The following ASRGL1 variants were observed in gnomAD, a reference collection of about 807,000 sequenced individuals.
ASRGL1 encodes the protein isoaspartyl peptidase/L-asparaginase.
In ASRGL1, 16 loss-of-function variants were observed where a neutral mutation model predicts 22.4. The ratio of observed to expected loss-of-function variants is 0.71; its 90% confidence interval spans 0.48 to 1.08. ASRGL1 has a LOEUF of 1.08. Ranked by LOEUF, ASRGL1 falls within the 50% of genes least tolerant of loss-of-function variation. The pLI, the probability that ASRGL1 is intolerant of heterozygous loss-of-function variation, is 0.00. For missense variants in ASRGL1, 412 were observed against 410.1 expected (o/e 1.00, Z -0.04); for synonymous variants, 165 against 159.3 (o/e 1.04, Z -0.27).
At chr11:62,343,302 TG>T (rs1365142543) in intron 2 of ASRGL1, among the ~76,000 whole-genome samples, 9 of 138,976 alleles carry the variant, frequency 6.5e-5, no homozygotes, top group African/African-American at 2.5e-4. Flanking sequence ...CTCTTGAACC[TG>T]GGAGGTAGAG....
chr11:62,362,714 T>TTATATAAAA lies in ASRGL1; in HGVS notation c.491+5575_491+5576insAAAATATAT, dbSNP rs1336218972. Among the ~76,000 whole-genome samples, 3 of 51,830 alleles carry TTATATAAAA rather than the reference T, an allele frequency of 5.8e-5. No individual in the cohort carries two copies. In the South Asian group the frequency reaches 1.5e-3, roughly 25 times the overall value. 34.0% of individuals were successfully genotyped at this position (51,830 alleles called of 152,430 possible). On this transcript the variant is annotated intron_variant, in intron 4 of 6. Coordinates refer to ENST00000415229, the MANE Select transcript of ASRGL1 (RefSeq NM_001083926.2). ...TATATTATATATTATATAAAATATA[T>TTATATAAAA]TATATGTTATATATAAAATATAATA...
At chr11:62,372,889 G>C (rs1946810578) in intron 4 of ASRGL1, 2 of 1,596,224 alleles carry the variant, frequency 1.3e-6, no homozygotes, top group Middle Eastern at 4.1e-4. Context: ...CAGGACCTCT[G>C]CAGCTGGAGA....
intron 4 of ASRGL1, among the ~76,000 whole-genome samples, chr11:62,362,809 G>C (rs1946508244): frequency 4.3e-4 from 3 of 6,960 alleles, no homozygotes; most frequent in Non-Finnish European, 7.0e-4. Context: ...TTGCTTATCT[G>C]ACATACACAC....
At chr11:62,388,135 C>A (rs1947256940) in intron 4 of ASRGL1, among the ~76,000 whole-genome samples, 1 of 152,102 alleles carries the variant, frequency 6.6e-6, no homozygotes, top group Admixed American at 6.5e-5. Flanking sequence ...AGTTGTCACA[C>A]AATGGTAAGT....
At chr11:62,376,431 A>G (rs892088075) in intron 4 of ASRGL1, among the ~76,000 whole-genome samples, 1 of 152,030 alleles carries the variant, frequency 6.6e-6, no homozygotes, top group African/African-American at 2.4e-5. Context: ...TCCTAGTGAA[A>G]CAAGCAAAAC....
the ASRGL1 span, among the ~76,000 whole-genome samples, chr11:62,400,721 C>T: frequency 3.3e-5 from 5 of 152,142 alleles, no homozygotes; most frequent in East Asian, 1.9e-4. Flanking sequence ...GTGCCTTACC[C>T]GCGTCACACA....
chr11:62,368,532 G>A (rs142742566), intron 4 of ASRGL1, among the ~76,000 whole-genome samples: 3,700 of 152,202 alleles, frequency 0.024, 169 homozygotes, highest in African/African-American at 0.084. Flanking sequence ...GGTGTTTCTC[G>A]TCAGGTGGGA....
chr11:62,356,204 A>G, intron 2 of ASRGL1, 121 bp from the exon 3 acceptor site: 2 of 1,195,930 alleles, frequency 1.7e-6, no homozygotes, highest in Non-Finnish European at 2.3e-6. Flanking sequence ...GCAGCCGGGC[A>G]GAGGCGCCCC....
In ASRGL1 at chr11:62,338,007, C is replaced by T. The variant is rs1453590652; in HGVS notation, c.30C>T (p.Gly10=). 2.5e-6 allele frequency: 4 copies of T among 1,604,272 alleles called. No homozygotes were observed. The stretch of plus-strand genomic sequence containing the variant: ...ATCCCATCGTAGTGGTCCACGGCGG[C>T]GGAGCCGGTCCCATCTCCAAGGATC... MNPIVVVHG[G]GAGPISKDRK... Residue 10 remains glycine (G), a synonymous_variant, in exon 2 of 7, where the codon GGC becomes GGT. Coordinates refer to ENST00000415229, the MANE Select transcript of ASRGL1 (RefSeq NM_001083926.2).
intron 2 of ASRGL1, among the ~76,000 whole-genome samples, chr11:62,343,446 T>C (rs1030889564): frequency 2.0e-5 from 3 of 148,990 alleles, no homozygotes; most frequent in African/African-American, 5.0e-5. Context: ...AAAGTTCCAC[T>C]TACAGGCTGG....
intron 4 of ASRGL1, among the ~76,000 whole-genome samples, chr11:62,374,936 C>G (rs1201400386): frequency 1.4e-4 from 22 of 152,296 alleles, no homozygotes; most frequent in South Asian, 6.2e-4. Flanking sequence ...AGCCCAGGCA[C>G]CTGTGCTCCT....
chr11:62,399,581 C>T, the ASRGL1 span, among the ~76,000 whole-genome samples: 1 of 152,200 alleles, frequency 6.6e-6, no homozygotes, highest in Non-Finnish European at 1.5e-5. Flanking sequence ...CCTGCCCCCT[C>T]CCCAACTCAG....
At chr11:62,363,127 G>A (rs986071035) in intron 4 of ASRGL1, among the ~76,000 whole-genome samples, 5 of 150,848 alleles carry the variant, frequency 3.3e-5, no homozygotes, top group African/African-American at 1.2e-4. Flanking sequence ...TAGAGACGGG[G>A]TTTCACCATG....
At chr11:62,370,511 C>G (rs1400618846) in intron 4 of ASRGL1, among the ~76,000 whole-genome samples, 2 of 152,160 alleles carry the variant, frequency 1.3e-5, no homozygotes, top group African/African-American at 4.8e-5. Flanking sequence ...GGACCAGAAA[C>G]AGGACTTAAT....
chr11:62,345,344 C>T (rs1945989595), intron 2 of ASRGL1, among the ~76,000 whole-genome samples: 1 of 152,112 alleles, frequency 6.6e-6, no homozygotes, highest in African/African-American at 2.4e-5. Context: ...TCTTGGCTCA[C>T]TGCAACCTCC....
rs774341469 is a variant in ASRGL1, at chr11:62,356,389, A to C, written c.255A>C (p.Lys85Asn). The C allele has an allele frequency of 1.2e-5, 20 of 1,614,222 alleles. No homozygotes were observed. The highest frequency in any genetic ancestry group is 1.7e-5 in the Non-Finnish European group (20 of 1,180,000). ...VEMDASIMDG[K>N]DLSAGAVSAV... is the part of the protein sequence containing the mutation. Reference sequence around the variant, plus strand: ...TGGATGCTAGTATCATGGATGGAAAAGACCTGTCTGCAGGAGCAGTGTCCG... The same window carrying C: ...TGGATGCTAGTATCATGGATGGAAACGACCTGTCTGCAGGAGCAGTGTCCG... The change falls in exon 3 of 7, where the codon AAA (lysine) becomes AAC (asparagine). Residue 85 changes from lysine to asparagine, a missense_variant. Lys to Asn is a moderately conservative substitution (Grantham distance 94, BLOSUM62 0). Transcript: ENST00000415229.
intron 4 of ASRGL1, among the ~76,000 whole-genome samples, chr11:62,369,625 CAG>C (rs1946711855): frequency 6.6e-6 from 1 of 152,080 alleles, no homozygotes; most frequent in Non-Finnish European, 1.5e-5. Flanking sequence ...ACCCAAGTGA[CAG>C]GGTTAAGATT....
intron 4 of ASRGL1, among the ~76,000 whole-genome samples, chr11:62,364,671 G>T (rs1022807733): frequency 1.3e-5 from 2 of 152,188 alleles, no homozygotes; most frequent in African/African-American, 4.8e-5. Context: ...GGTAGGAAAA[G>T]GAGGAGATCC....
chr11:62,392,452 G>A lies in ASRGL1; in HGVS notation c.*168G>A. On this transcript the variant is annotated 3_prime_UTR_variant, in exon 7 of 7. Coordinates refer to ENST00000415229, the MANE Select transcript of ASRGL1 (RefSeq NM_001083926.2). ...GTTTGGTTGTGGGGCGGGTTCTGAA[G>A]CGATGAGAGAAATGCCCGTATTAGG... is the stretch of plus-strand genomic sequence containing the variant. 5 of 813,150 alleles carry A rather than the reference G, an allele frequency of 6.1e-6. No individual in the cohort carries two copies. In the South Asian group the frequency reaches 7.0e-5, roughly 11 times the overall value. 50.4% of individuals were successfully genotyped at this position (813,150 alleles called of 1,614,324 possible). A position where few individuals can be genotyped will look rare whatever the true frequency, so the allele number is the denominator to read the frequency against.
Sources: allele counts gnomAD v4.1 joint callset (sites outside exome capture counted in the v4.1 genomes callset), GRCh38; gene constraint gnomAD v4.1.1; transcripts MANE v1.5; gene names NCBI Gene and HGNC (gene_info 2026-07-23, HGNC 2026-07-21).